Variants in BDP1 observed in about 807,000 individuals in gnomAD.
The protein encoded by BDP1 is BDP1 general transcription factor IIIB subunit.
In BDP1, 169 loss-of-function variants were observed where a neutral mutation model predicts 266.6. That is an observed-to-expected ratio of 0.63 (90% CI 0.56 to 0.72). The LOEUF (loss-of-function observed/expected upper bound fraction) is 0.72, where lower values mean the gene tolerates loss of function less well. BDP1 is among the 30% of genes least tolerant of loss of function. The pLI, the probability that BDP1 is intolerant of heterozygous loss-of-function variation, is 0.00. For synonymous variants in BDP1, 1,090 were observed against 1,022.4 expected, an observed-to-expected ratio of 1.07 and a Z score of -1.26; for missense variants, 3,015 against 3,053.8, an observed-to-expected ratio of 0.99 and a Z score of 0.30.
rs760761333 is a variant in BDP1, at chr5:71,491,054, A to G, written c.1563A>G (p.Thr521=). 3.7e-6 allele frequency: 6 copies of G among 1,614,154 alleles called. No individual in the cohort carries two copies. The highest frequency in any genetic ancestry group is 5.1e-6 in the Non-Finnish European group (6 of 1,179,990). Residue 521 remains threonine (T), a synonymous_variant, in exon 11 of 39, where the codon ACA becomes ACG. Transcript: ENST00000358731. ...ECSKEQMLSC[T]QNIDGIVGFA... ...GTAAGGAGCAGATGCTTTCCTGCAC[A>G]CAAAACATAGATGGCATTGTGGGTT... is the stretch of plus-strand genomic sequence containing the variant.
intron 20 of BDP1, 99 bp downstream of exon 20, chr5:71,515,221 A>G (rs1278089783): frequency 6.4e-6 from 6 of 937,274 alleles, no homozygotes; most frequent in Non-Finnish European, 9.3e-6. Flanking sequence ...TAAAAAGTGA[A>G]CATAAAGAAT....
the BDP1 span, among the ~76,000 whole-genome samples, chr5:71,578,063 G>T: frequency 6.6e-6 from 1 of 152,118 alleles, no homozygotes; most frequent in Non-Finnish European, 1.5e-5. Context: ...TTTGCTGAGG[G>T]CCATCGCTCC....
Position 71,564,902 on chromosome 5 carries a change from T to C in BDP1, c.*17T>C, listed in dbSNP as rs1743935263. On this transcript the variant is annotated 3_prime_UTR_variant, in exon 39 of 39. Transcript: ENST00000358731. ...ACAGAATAAAACAATCTTTTCTCTT[T>C]TTCTTTTTTAAATTAGGTCTAGGAT... is the stretch of plus-strand genomic sequence containing the variant. The C allele has an allele frequency of 1.3e-6, 2 of 1,575,622 alleles. No homozygotes were observed. Among genetic ancestry groups the C allele is most frequent in the African/African-American group, 1.4e-5 (1 of 72,844 alleles).
chr5:71,458,719 T>C lies in BDP1; in HGVS notation c.353T>C (p.Leu118Ser), dbSNP rs2150341242. The change falls in exon 2 of 39, where the codon TTA becomes TCA. Residue 118 changes from leucine to serine, a missense_variant. By Grantham distance (145) the Leu-to-Ser change is moderately radical. Around this residue, in one of 3 missense-constraint regions of BDP1, gnomAD observed 2,383 missense variants for 2,404.9 expected, o/e 0.99. Coordinates refer to ENST00000358731, the MANE Select transcript of BDP1 (RefSeq NM_018429.3). ...AGTGTTCCTTCAGAATCTCATCCCT[T>C]ATCTACAATTAATCAAGAGGCTCCA... ...SVSVPSESHP[L>S]STINQEAPQP... The C allele has an allele frequency of 6.2e-7, 1 of 1,614,178 alleles. No individual in the cohort carries two copies. The highest frequency in any genetic ancestry group is 2.2e-5 in the East Asian group (1 of 44,874).
chr5:71,512,790 C>T lies in BDP1; in HGVS notation c.4247+362C>T, dbSNP rs564777302. 4.5e-4 allele frequency among the ~76,000 whole-genome samples: 68 copies of T among 152,164 alleles called. 1 individual carries two copies. The highest frequency in any genetic ancestry group is 1.6e-3 in the African/African-American group (68 of 41,506). ...TAGAATTAGGCCAAGTATGGTGGCT[C>T]ACACCTGTAATCCTAGCAATTTGGG... On this transcript the variant is annotated intron_variant, in intron 18 of 38. Coordinates refer to ENST00000358731, the MANE Select transcript of BDP1 (RefSeq NM_018429.3).
chr5:71,462,285 A>G (rs1761625957), intron 3 of BDP1, among the ~76,000 whole-genome samples: 1 of 152,086 alleles, frequency 6.6e-6, no homozygotes, highest in South Asian at 2.1e-4. Flanking sequence ...TTATTTGGGT[A>G]TGTAGTTATA....
chr5:71,510,959 T>C lies in BDP1; in HGVS notation c.3867T>C (p.Asn1289=). 3.1e-6 allele frequency: 5 copies of C among 1,613,930 alleles called. No individual in the cohort carries two copies. In the African/African-American group the frequency reaches 4.0e-5, roughly 13 times the overall value. Residue 1289 remains asparagine (N), a synonymous_variant, in exon 17 of 39, where the codon AAT becomes AAC. Coordinates refer to ENST00000358731, the MANE Select transcript of BDP1 (RefSeq NM_018429.3). ...EADLKETGKE[N]FRERGSEEIC... Reference sequence around the variant, plus strand: ...ATTTGAAAGAAACTGGAAAAGAAAATTTTAGAGAGAGAGGATCTGAAGAGA... The same window carrying C: ...ATTTGAAAGAAACTGGAAAAGAAAACTTTAGAGAGAGAGGATCTGAAGAGA...
At chr5:71,540,188 C>T (rs1766880958) in intron 28 of BDP1, among the ~76,000 whole-genome samples, 1 of 152,264 alleles carries the variant, frequency 6.6e-6, no homozygotes, top group Middle Eastern at 3.4e-3. Flanking sequence ...AGTGATAAAT[C>T]TTTACTATCT....
downstream of BDP1, among the ~76,000 whole-genome samples, chr5:71,571,922 G>A (rs1580248248): frequency 1.3e-5 from 2 of 152,266 alleles, no homozygotes; most frequent in East Asian, 3.9e-4. Flanking sequence ...AGGCCAAAGG[G>A]ATTGTGACCA....
In BDP1 at chr5:71,524,249, G is replaced by A. The variant is rs747492720; in HGVS notation, c.5698G>A (p.Ala1900Thr). ...YHLAPEEVNK[A>T]PVFVPVGLRS... ...TCTTGCTCCCGAAGAAGTAAACAAA[G>A]CTCCAGTATTTGTACCTGTTGGTCT... The change falls in exon 25 of 39, where the codon GCT (alanine) becomes ACT (threonine). Residue 1900 changes from alanine to threonine, a missense_variant. Coordinates refer to ENST00000358731, the MANE Select transcript of BDP1 (RefSeq NM_018429.3). 6.2e-7 allele frequency: 1 copy of A among 1,614,030 alleles called. No individual in the cohort carries two copies. Among genetic ancestry groups the A allele is most frequent in the Non-Finnish European group, 8.5e-7 (1 of 1,179,904 alleles).
At chr5:71,560,980 A>T (rs1217901063) in intron 37 of BDP1, among the ~76,000 whole-genome samples, 4 of 152,240 alleles carry the variant, frequency 2.6e-5, no homozygotes, top group Admixed American at 6.5e-5. Context: ...GTACAGTGGC[A>T]CATGCCTATA....
At chr5:71,545,504 G>T in intron 32 of BDP1, 1 of 381,386 alleles carries the variant, frequency 2.6e-6, no homozygotes. Context: ...GCTAGGTTTT[G>T]TATTTTTAGT....
chr5:71,496,979 C>A (rs1479780297), intron 12 of BDP1, among the ~76,000 whole-genome samples: 1 of 152,166 alleles, frequency 6.6e-6, no homozygotes, highest in African/African-American at 2.4e-5. Context: ...TGAGTTGCTA[C>A]CTTCAATATA....
intron 30 of BDP1, among the ~76,000 whole-genome samples, chr5:71,543,045 T>C (rs1304249673): frequency 6.6e-6 from 1 of 152,076 alleles, no homozygotes; most frequent in Non-Finnish European, 1.5e-5. Flanking sequence ...CCCAGCACTT[T>C]GGGAAGCCAA....
Position 71,524,437 on chromosome 5 carries a change from T to C in BDP1, c.5772+114T>C. 2.6e-6 allele frequency: 3 copies of C among 1,141,040 alleles called. No individual in the cohort carries two copies. The South Asian group carries it at 5.1e-5, about 19-fold the overall frequency. 70.7% of individuals were successfully genotyped at this position (1,141,040 alleles called of 1,614,324 possible). The stretch of plus-strand genomic sequence containing the variant: ...TGATTATTAGGATTTGAAGAGTTCA[T>C]TCTCTAAATAACCTCTACCAAATAT... On this transcript the variant is annotated intron_variant, in intron 25 of 38. Coordinates refer to ENST00000358731, the MANE Select transcript of BDP1 (RefSeq NM_018429.3).
chr5:71,552,248 C>T (rs1742858495), intron 34 of BDP1, among the ~76,000 whole-genome samples: 3 of 151,754 alleles, frequency 2.0e-5, no homozygotes. Flanking sequence ...GCGCCCCCCA[C>T]ATCTCAGATG....
Position 71,495,281 on chromosome 5 carries a change from G to A in BDP1, c.1672G>A (p.Glu558Lys). 6.3e-7 allele frequency: 1 copy of A among 1,587,590 alleles called. No individual in the cohort carries two copies. The highest frequency in any genetic ancestry group is 8.6e-7 in the Non-Finnish European group (1 of 1,166,248). ...ACAAGATGCCACATCAGTAGCAACT[G>A]AGTCTTCAGAATCAAGCACTTCAGA... ...NQQDATSVAT[E>K]SSESSTSDLP... is the part of the protein sequence containing the mutation. Residue 558 changes from glutamate (E) to lysine (K), a missense_variant, in exon 12 of 39, where the codon GAG (glutamate) becomes AAG (lysine). This residue lies in a region of BDP1 where 2,383 missense variants were observed against 2,404.9 expected (regional missense o/e 0.99). Coordinates refer to ENST00000358731, the MANE Select transcript of BDP1 (RefSeq NM_018429.3).
rs1024376583 is a variant in BDP1, at chr5:71,516,221, G to A, written c.4810G>A (p.Gly1604Arg). 1.9e-6 allele frequency: 3 copies of A among 1,613,322 alleles called. No homozygotes were observed. The highest frequency in any genetic ancestry group is 2.5e-6 in the Non-Finnish European group (3 of 1,179,578). Residue 1604 changes from glycine to arginine, a missense_variant, in exon 21 of 39, where the codon GGA becomes AGA. By Grantham distance (125) the Gly-to-Arg change is moderately radical. Around this residue, in one of 3 missense-constraint regions of BDP1, gnomAD observed 2,383 missense variants for 2,404.9 expected, o/e 0.99. Coordinates refer to ENST00000358731, the MANE Select transcript of BDP1 (RefSeq NM_018429.3). ...TGAAGCCAAAGGCATAATTAAGGAA[G>A]GAAGAACGATATTACCAAAAGATGA... ...KGEAKGIIKE[G>R]RTILPKDETE...
intron 22 of BDP1, among the ~76,000 whole-genome samples, chr5:71,518,029 G>A (rs1765310739): frequency 6.6e-6 from 1 of 152,178 alleles, no homozygotes; most frequent in Non-Finnish European, 1.5e-5. Flanking sequence ...AAGCCAAATG[G>A]TAAGAATGAT....
Sources: allele counts gnomAD v4.1 joint callset (sites outside exome capture counted in the v4.1 genomes callset), GRCh38; gene constraint gnomAD v4.1.1; regional missense constraint gnomAD v4.1.1; transcripts MANE v1.5; gene names NCBI Gene and HGNC (gene_info 2026-07-23, HGNC 2026-07-21).